UBE2F: variants seen among roughly 807,000 people sequenced by gnomAD.
UBE2F encodes the protein NEDD8-conjugating enzyme UBE2F.
Under a neutral mutation model 29.6 loss-of-function variants are expected in UBE2F, and 5 were observed. That is an observed-to-expected ratio of 0.17 (90% CI 0.09 to 0.36). The LOEUF (loss-of-function observed/expected upper bound fraction) is 0.36. Ranked by LOEUF, UBE2F falls within the 10% of genes least tolerant of loss-of-function variation. The probability of loss-of-function intolerance (pLI) is 1.00; values close to 1 mark genes in which losing one functional copy is unlikely to be tolerated. For missense variants in UBE2F, 141 were observed against 228.5 expected (o/e 0.62, Z 2.47); for synonymous variants, 66 against 81.8 (o/e 0.81, Z 1.04).
chr2:238,025,189 A>G (rs2064391894), intron 5 of UBE2F, 153 bp from the exon 6 acceptor site: 5 of 664,444 alleles, frequency 7.5e-6, no homozygotes, highest in Non-Finnish European at 1.1e-5. Flanking sequence ...GTGAGCCAGT[A>G]TTCAGGGTTG....
At chr2:238,037,970 T>G (rs972380188) in intron 9 of UBE2F, among the ~76,000 whole-genome samples, 2 of 152,206 alleles carry the variant, frequency 1.3e-5, no homozygotes, top group African/African-American at 2.4e-5. Context: ...CCTTGGCTTC[T>G]GTTAATGTTA....
intron 1 of UBE2F, among the ~76,000 whole-genome samples, chr2:237,971,107 G>A (rs1201628703): frequency 6.6e-6 from 1 of 152,182 alleles, no homozygotes; most frequent in Admixed American, 6.5e-5. Flanking sequence ...TAAGAGACCT[G>A]GGTGAAAAAT....
chr2:238,032,094 C>G, intron 7 of UBE2F, 128 bp from the exon 8 acceptor site: 1 of 692,368 alleles, frequency 1.4e-6, no homozygotes, highest in South Asian at 1.9e-5. Flanking sequence ...AATTTTCTAT[C>G]TTGAGAAAAA....
chr2:238,016,968 T>G (rs1322591217), intron 5 of UBE2F, among the ~76,000 whole-genome samples: 4 of 152,232 alleles, frequency 2.6e-5, no homozygotes, highest in Non-Finnish European at 4.4e-5. Flanking sequence ...AACACCAAAA[T>G]TCCAGAAGTC....
At chr2:238,007,726 A>G (rs1437937648) in intron 4 of UBE2F, among the ~76,000 whole-genome samples, 1 of 152,224 alleles carries the variant, frequency 6.6e-6, no homozygotes, top group African/African-American at 2.4e-5. Context: ...GAGATAAACC[A>G]TAATTCATCA....
Position 238,042,021 on chromosome 2 carries a change from A to G in UBE2F, c.*683A>G, listed in dbSNP as rs1348141021. On this transcript the variant is annotated 3_prime_UTR_variant, in exon 10 of 10. Transcript: ENST00000272930. ...CAGAAAGATGTTGGGTCAAGCAACT[A>G]TTGAAGAGAAATACAAAGAAAATAT... 6.5e-6 allele frequency: 1 copy of G among 152,674 alleles called. No homozygotes were observed. Among genetic ancestry groups the G allele is most frequent in the Non-Finnish European group, 1.5e-5 (1 of 68,046 alleles). The allele number at this position is 152,674 out of a possible 1,614,324, so 9.5% of individuals were successfully genotyped here. A position where few individuals can be genotyped will look rare whatever the true frequency, so the allele number is the denominator to read the frequency against.
intron 2 of UBE2F, among the ~76,000 whole-genome samples, chr2:237,986,953 A>G (rs2063491553): frequency 6.6e-6 from 1 of 152,070 alleles, no homozygotes; most frequent in East Asian, 1.9e-4. Flanking sequence ...TTCTTTTTCA[A>G]GCTGCTTTGG....
At chr2:237,974,160 A>AT (rs375237774) in intron 2 of UBE2F, among the ~76,000 whole-genome samples, 43,353 of 137,424 alleles carry the variant, frequency 0.32, 7,685 homozygotes, top group Admixed American at 0.42. Context: ...CGCCCAGCTC[A>AT]TTTTTTTTTT....
At position 238,040,522 on chromosome 2, in the gene UBE2F, G is replaced by C. The variant is rs1202582973; in HGVS notation, c.508-766G>C. 6.6e-6 allele frequency among the ~76,000 whole-genome samples: 1 copy of C among 152,186 alleles called. No individual in the cohort carries two copies. Among genetic ancestry groups the C allele is most frequent in the Non-Finnish European group, 1.5e-5 (1 of 68,042 alleles). ...AGTGTGATCCTGCAGGGACATCTGA[G>C]ACCCAGCAGCTGTGTTGTAGGAGTG... On this transcript the variant is annotated intron_variant, in intron 9 of 9. Coordinates refer to ENST00000272930, the MANE Select transcript of UBE2F (RefSeq NM_080678.3). This position sits in a 1 kb window ranked among gnomAD's most constrained non-coding sequence, Gnocchi z 4.4.
At chr2:238,034,440 T>A (rs954580852) in intron 8 of UBE2F, among the ~76,000 whole-genome samples, 7 of 150,596 alleles carry the variant, frequency 4.6e-5, no homozygotes, top group Non-Finnish European at 7.4e-5. Flanking sequence ...AAAAAAAAAA[T>A]TTTTTTTTAA....
intron 2 of UBE2F, among the ~76,000 whole-genome samples, chr2:237,986,715 T>G (rs2063488637): frequency 6.6e-6 from 1 of 152,226 alleles, no homozygotes. Flanking sequence ...GAAGCCAATT[T>G]TATTCCCTTG....
At chr2:237,997,219 C>CA (rs144334809) in intron 4 of UBE2F, among the ~76,000 whole-genome samples, 2,143 of 150,814 alleles carry the variant, frequency 0.014, 39 homozygotes, top group African/African-American at 0.05. Context: ...AGAGCTGTCT[C>CA]AAAAAAAATA....
In UBE2F at chr2:237,990,897, C is replaced by A. The variant is rs374525113; in HGVS notation, c.148+2905C>A. ...TCCTAAAGAGCTGAGATGACAGGCA[C>A]GAGCCACTGTGCATGGCCAACACAT... is the stretch of plus-strand genomic sequence containing the variant. On this transcript the variant is annotated intron_variant, in intron 3 of 9. Coordinates refer to ENST00000272930, the MANE Select transcript of UBE2F (RefSeq NM_080678.3). Among the ~76,000 whole-genome samples, 890 of 151,918 alleles carry A rather than the reference C, an allele frequency of 5.9e-3. 7 individuals carry two copies. Among genetic ancestry groups the A allele is most frequent in the African/African-American group, 0.02 (850 of 41,498 alleles).
chr2:238,026,397 G>T (rs943528522), intron 6 of UBE2F, among the ~76,000 whole-genome samples: 3 of 152,110 alleles, frequency 2.0e-5, no homozygotes, highest in Non-Finnish European at 4.4e-5. Context: ...GAAAGGAAAT[G>T]TGTAAACTGT....
chr2:238,017,634 C>T (rs777812670), intron 5 of UBE2F, among the ~76,000 whole-genome samples: 49 of 152,134 alleles, frequency 3.2e-4, no homozygotes, highest in Non-Finnish European at 5.7e-4. Flanking sequence ...TGTGTCTCGG[C>T]CCAAATTGCC....
intron 2 of UBE2F, among the ~76,000 whole-genome samples, chr2:237,987,623 G>T (rs575579860): frequency 3.3e-5 from 5 of 152,288 alleles, no homozygotes; most frequent in African/African-American, 1.2e-4. Context: ...TATAGATCAG[G>T]TTTTGAGAGG....
At chr2:237,990,391 A>G (rs531660281) in intron 3 of UBE2F, 3 of 455,860 alleles carry the variant, frequency 6.6e-6, no homozygotes, top group East Asian at 7.1e-5. Context: ...GAGCCTGTAT[A>G]TACATGTAAA....
At chr2:238,030,334 C>A (rs1002151974) in intron 6 of UBE2F, among the ~76,000 whole-genome samples, 1 of 152,072 alleles carries the variant, frequency 6.6e-6, no homozygotes, top group Non-Finnish European at 1.5e-5. Flanking sequence ...AGTATTACAA[C>A]AAATAGATAA....
At chr2:237,998,346 A>G (rs979137197) in intron 4 of UBE2F, among the ~76,000 whole-genome samples, 2 of 151,984 alleles carry the variant, frequency 1.3e-5, no homozygotes, top group African/African-American at 4.8e-5. Context: ...TTCCTTTCTG[A>G]TTTTTATTTC....
Sources: allele counts gnomAD v4.1 joint callset (sites outside exome capture counted in the v4.1 genomes callset), GRCh38; gene constraint gnomAD v4.1.1; non-coding constraint Gnocchi (gnomAD v3.1); transcripts MANE v1.5; gene names NCBI Gene and HGNC (gene_info 2026-07-23, HGNC 2026-07-21).